PAAF1: variants seen among roughly 807,000 people sequenced by gnomAD.
The protein encoded by PAAF1 is proteasomal ATPase associated factor 1.
In PAAF1, 46 loss-of-function variants were observed where a neutral mutation model predicts 52.8. The observed-to-expected ratio is 0.87, with a 90% CI of 0.69 to 1.11. PAAF1 has a LOEUF of 1.11. Among genes scored for constraint, PAAF1 ranks in the 50% most tolerant of loss-of-function variants. PAAF1 has a pLI of 0.00. For synonymous variants in PAAF1, 178 were observed against 172.8 expected (o/e 1.03, Z -0.24); for missense variants, 424 against 477.4 (o/e 0.89, Z 1.04).
intron 2 of PAAF1, 118 bp from the exon 3 acceptor site, chr11:73,887,236 C>T: frequency 1.5e-6 from 1 of 645,360 alleles, no homozygotes; most frequent in Non-Finnish European, 2.6e-6. Flanking sequence ...ACCTGTTTTT[C>T]TTTCGTGGGC....
chr11:73,883,529 T>G (rs188685455), intron 2 of PAAF1, among the ~76,000 whole-genome samples: 2 of 152,260 alleles, frequency 1.3e-5, no homozygotes, highest in East Asian at 3.9e-4. Flanking sequence ...TTCTTTCTTT[T>G]TTTTTTGAGA....
chr11:73,917,267 C>A (rs1490866310), intron 9 of PAAF1, among the ~76,000 whole-genome samples: 1 of 152,070 alleles, frequency 6.6e-6, no homozygotes, highest in African/African-American at 2.4e-5. Flanking sequence ...GATCTGCCCG[C>A]CTCAGCCTCC....
At chr11:73,899,278 C>A in intron 5 of PAAF1, 34 bp downstream of exon 5, 1 of 1,550,448 alleles carries the variant, frequency 6.4e-7, no homozygotes, top group Non-Finnish European at 8.9e-7. Flanking sequence ...AGGTCTTAAA[C>A]ACAAAGGGTG....
At chr11:73,923,200 T>C (rs932912324) in intron 10 of PAAF1, among the ~76,000 whole-genome samples, 4 of 152,142 alleles carry the variant, frequency 2.6e-5, no homozygotes, top group Admixed American at 6.6e-5. Flanking sequence ...GGTAAGGTAC[T>C]ACCTCGTATA....
At chr11:73,901,252 G>A (rs895478600) in intron 6 of PAAF1, among the ~76,000 whole-genome samples, 2 of 152,166 alleles carry the variant, frequency 1.3e-5, no homozygotes, top group African/African-American at 4.8e-5. Flanking sequence ...TTTTAAAAAT[G>A]GATTAGCCAT....
intron 7 of PAAF1, 44 bp downstream of exon 7, chr11:73,909,637 C>A: frequency 3.2e-6 from 5 of 1,565,854 alleles, no homozygotes; most frequent in Non-Finnish European, 4.4e-6. Context: ...TTTCTTAGGC[C>A]CCCTTCAGTG....
chr11:73,898,350 G>T (rs1318210182), intron 4 of PAAF1, among the ~76,000 whole-genome samples: 1 of 152,030 alleles, frequency 6.6e-6, no homozygotes, highest in African/African-American at 2.4e-5. Flanking sequence ...ATTAGGAGAG[G>T]TATCTTAATT....
rs1484365516 is a variant in PAAF1, at chr11:73,897,223, GGGCGGGGGGC to G, written c.283-1922_283-1913del. On this transcript the variant is annotated intron_variant, in intron 4 of 11. Coordinates refer to ENST00000310571, the MANE Select transcript of PAAF1 (RefSeq NM_025155.3). Reference sequence around the variant, plus strand: ...TCCCTCCCGGACGGGGCGGCTGGCCGGGCGGGGGGCTGACCCCCCCCACCTCCCTCCCGGA... The same window carrying G: ...TCCCTCCCGGACGGGGCGGCTGGCCGTGACCCCCCCCACCTCCCTCCCGGA... Among the ~76,000 whole-genome samples, 200 of 108,646 alleles carry G rather than the reference GGGCGGGGGGC, an allele frequency of 1.8e-3. 1 individual carries two copies. Among genetic ancestry groups the G allele is most frequent in the African/African-American group, 9.4e-3 (187 of 19,948 alleles). 71.3% of individuals were successfully genotyped at this position (108,646 alleles called of 152,430 possible). A position where few individuals can be genotyped will look rare whatever the true frequency, so the allele number is the denominator to read the frequency against.
intron 4 of PAAF1, among the ~76,000 whole-genome samples, chr11:73,898,702 T>C (rs1191990085): frequency 6.6e-6 from 1 of 151,986 alleles, no homozygotes; most frequent in Admixed American, 6.6e-5. Flanking sequence ...TAGTCCCAGC[T>C]ACTCGGGAGG....
At chr11:73,892,988 A>G (rs1949239670) in intron 4 of PAAF1, among the ~76,000 whole-genome samples, 2 of 152,136 alleles carry the variant, frequency 1.3e-5, no homozygotes, top group South Asian at 2.1e-4. Flanking sequence ...ACTTAATTAT[A>G]TGTCCATTAT....
At chr11:73,904,898 G>T (rs1034211884) in intron 6 of PAAF1, among the ~76,000 whole-genome samples, 1 of 152,146 alleles carries the variant, frequency 6.6e-6, no homozygotes, top group South Asian at 2.1e-4. Flanking sequence ...TTTCTTGAAG[G>T]CAAATGCTTT....
intron 4 of PAAF1, among the ~76,000 whole-genome samples, chr11:73,898,762 T>C (rs2135170375): frequency 6.6e-6 from 1 of 152,194 alleles, no homozygotes; most frequent in South Asian, 2.1e-4. Context: ...TGCAGTGAGC[T>C]GAGATGGGGA....
chr11:73,887,487 A>G, intron 3 of PAAF1, 30 bp downstream of exon 3: 2 of 1,479,224 alleles, frequency 1.4e-6, no homozygotes, highest in East Asian at 2.3e-5. Context: ...AGATGGCATG[A>G]TATTTAAAAC....
chr11:73,889,130 G>A, intron 3 of PAAF1: 1 of 1,413,292 alleles, frequency 7.1e-7, no homozygotes, highest in Admixed American at 2.0e-5. Flanking sequence ...AGGTGTTTTG[G>A]CACAGCCTGG....
intron 6 of PAAF1, among the ~76,000 whole-genome samples, chr11:73,902,531 A>G (rs1440701911): frequency 6.6e-6 from 1 of 152,176 alleles, no homozygotes; most frequent in Non-Finnish European, 1.5e-5. Context: ...CTTAATTAAC[A>G]AGATGCATAT....
At position 73,900,381 on chromosome 11, in the gene PAAF1, G is replaced by A. The variant is rs1293523777; in HGVS notation, c.493G>A (p.Asp165Asn). The A allele has an allele frequency of 6.2e-7, 1 of 1,612,304 alleles. No individual in the cohort carries two copies. The highest frequency in any genetic ancestry group is 1.7e-5 in the Admixed American group (1 of 59,944). ...CCAGCTGAAGATATGGTCAGCTGAAGATGCTAGCTGCGTGGTGACCTTCAA... is the reference window on the plus strand; with the variant it reads ...CCAGCTGAAGATATGGTCAGCTGAAAATGCTAGCTGCGTGGTGACCTTCAA... ...DAQLKIWSAEDASCVVTFKGH... is the reference protein window; with the variant it reads ...DAQLKIWSAENASCVVTFKGH... The change falls in exon 6 of 12, where the codon GAT becomes AAT. Residue 165 changes from aspartate to asparagine, a missense_variant. By Grantham distance (23) the Asp-to-Asn change is conservative. Coordinates refer to ENST00000310571, the MANE Select transcript of PAAF1 (RefSeq NM_025155.3).
chr11:73,884,687 T>C (rs1294779588), intron 2 of PAAF1, among the ~76,000 whole-genome samples: 5 of 152,178 alleles, frequency 3.3e-5, no homozygotes, highest in Non-Finnish European at 7.3e-5. Flanking sequence ...TAGTGCTTCA[T>C]GATACTTCCC....
intron 4 of PAAF1, among the ~76,000 whole-genome samples, chr11:73,897,360 T>C (rs1295387803): frequency 6.2e-5 from 9 of 144,090 alleles, no homozygotes; most frequent in Non-Finnish European, 1.1e-4. Flanking sequence ...GGGTGGCTGC[T>C]GGGCGGAGGG....
rs776903258 is a variant in PAAF1 at position 73,916,673 on chromosome 11, T to A, written c.935+13T>A. The A allele has an allele frequency of 6.3e-7, 1 of 1,588,828 alleles. No homozygotes were observed. Among genetic ancestry groups the A allele is most frequent in the South Asian group, 1.1e-5 (1 of 90,284 alleles). ...TGAGGAGTCCAAGGTGAGTCACCAT[T>A]CATTTACATGATGCAGGTCTTCTGC... On this transcript the variant is annotated intron_variant, in intron 9 of 11. Coordinates refer to ENST00000310571, the MANE Select transcript of PAAF1 (RefSeq NM_025155.3).
Sources: allele counts gnomAD v4.1 joint callset (sites outside exome capture counted in the v4.1 genomes callset), GRCh38; gene constraint gnomAD v4.1.1; transcripts MANE v1.5; gene names NCBI Gene and HGNC (gene_info 2026-07-23, HGNC 2026-07-21).